Variants in MYO16 observed in about 807,000 individuals in gnomAD.
The protein encoded by MYO16 is myosin XVI.
A neutral mutation model predicts 205.3 loss-of-function variants in MYO16; 94 were observed. The observed-to-expected ratio is 0.46, with a 90% CI of 0.39 to 0.54. MYO16 has a LOEUF of 0.54. Ranked by LOEUF, MYO16 falls within the 20% of genes least tolerant of loss-of-function variation. The probability of loss-of-function intolerance (pLI) is 0.00; values close to 1 mark genes in which losing one functional copy is unlikely to be tolerated. For missense variants in MYO16, 2,315 were observed against 2,387.5 expected, an observed-to-expected ratio of 0.97 and a Z score of 0.63; for synonymous variants, 988 against 954.0, an observed-to-expected ratio of 1.04 and a Z score of -0.66.
chr13:108,665,952 C>T lies in MYO16; in HGVS notation c.95C>T (p.Ser32Phe). The T allele has an allele frequency of 6.2e-7, 1 of 1,614,120 alleles. No homozygotes were observed. Among genetic ancestry groups the T allele is most frequent in the Non-Finnish European group, 8.5e-7 (1 of 1,179,996 alleles). The change falls in exon 2 of 35, where the codon TCC (serine) becomes TTC (phenylalanine). Residue 32 changes from serine to phenylalanine, a missense_variant. By Grantham distance (155) the Ser-to-Phe change is radical. Transcript: ENST00000457511. Reference sequence around the variant, plus strand: ...GAAATCGACCAGTGCTTGCTAGAGTCCCTTCCCCTTGGCCAACGGCAGCGT... The same window carrying T: ...GAAATCGACCAGTGCTTGCTAGAGTTCCTTCCCCTTGGCCAACGGCAGCGT... ...EMEIDQCLLE[S>F]LPLGQRQRLV...
chr13:108,907,968 G>C (rs939130028), intron 15 of MYO16, among the ~76,000 whole-genome samples: 1 of 151,970 alleles, frequency 6.6e-6, no homozygotes, highest in African/African-American at 2.4e-5. Flanking sequence ...AATGTCTTTA[G>C]GTTTTTAAAA....
chr13:108,972,370 A>C lies in MYO16; in HGVS notation c.2369+7468A>C, dbSNP rs1162239884. On this transcript the variant is annotated intron_variant, in intron 20 of 34. Transcript: ENST00000457511. ...TATAGCCATATATATATATATATAT[A>C]TATATATATATATATATATATATAT... 5.8e-3 allele frequency among the ~76,000 whole-genome samples: 246 copies of C among 42,246 alleles called. 33 individuals are homozygous for C. Among genetic ancestry groups the C allele is most frequent in the Non-Finnish European group, 7.6e-3 (172 of 22,532 alleles). 27.7% of individuals were successfully genotyped at this position (42,246 alleles called of 152,430 possible). A position where few individuals can be genotyped will look rare whatever the true frequency, so the allele number is the denominator to read the frequency against.
intron 32 of MYO16, among the ~76,000 whole-genome samples, chr13:109,157,754 C>T (rs1370505469): frequency 1.3e-5 from 2 of 152,172 alleles, no homozygotes; most frequent in Admixed American, 6.5e-5. Context: ...AAGGCTTTAA[C>T]AAGTGAATAA....
chr13:108,812,713 G>A (rs1238012135), intron 7 of MYO16, among the ~76,000 whole-genome samples: 2 of 152,194 alleles, frequency 1.3e-5, no homozygotes, highest in African/African-American at 4.8e-5. Context: ...CCCCAGTGCA[G>A]CAAAATTAGG....
chr13:108,734,419 G>T (rs113746551), intron 4 of MYO16, among the ~76,000 whole-genome samples: 3 of 152,090 alleles, frequency 2.0e-5, no homozygotes, highest in South Asian at 2.1e-4. Context: ...CCCTTGGTTT[G>T]CTTATAGAAC....
intron 7 of MYO16, among the ~76,000 whole-genome samples, chr13:108,811,024 G>T (rs889071650): frequency 1.3e-5 from 2 of 152,116 alleles, no homozygotes; most frequent in African/African-American, 4.8e-5. Flanking sequence ...TTCGTGAGTT[G>T]TACGTGAAGT....
At chr13:108,700,023 G>T (rs143399256) in intron 2 of MYO16, among the ~76,000 whole-genome samples, 3,001 of 152,072 alleles carry the variant, frequency 0.02, 86 homozygotes, top group African/African-American at 0.069. Context: ...TTAATCAAAG[G>T]CTTCCAACAA....
rs542411424 is a variant in MYO16, at chr13:108,806,924, T to C, written c.867+120T>C. ...ATCATTATTGTAATTTGACTTTTAA[T>C]AGTGTCTTCTTACTGAACAAATATT... On this transcript the variant is annotated intron_variant, in intron 7 of 34. Coordinates refer to ENST00000457511, the MANE Select transcript of MYO16 (RefSeq NM_001198950.3). 76 of 730,140 alleles carry C rather than the reference T, an allele frequency of 1.0e-4. No individual in the cohort carries two copies. In the African/African-American group the frequency reaches 1.2e-3, roughly 11 times the overall value. The allele number at this position is 730,140 out of a possible 1,614,324, so 45.2% of individuals were successfully genotyped here. A position where few individuals can be genotyped will look rare whatever the true frequency, so the allele number is the denominator to read the frequency against.
At chr13:108,601,569 A>G (rs1361980262) in intron 1 of MYO16, among the ~76,000 whole-genome samples, 1 of 151,990 alleles carries the variant, frequency 6.6e-6, no homozygotes, top group African/African-American at 2.4e-5. Flanking sequence ...AAGTGTCAAG[A>G]TGATTCTAAA....
the MYO16 span, among the ~76,000 whole-genome samples, chr13:108,509,518 C>T: frequency 2.0e-5 from 3 of 152,280 alleles, no homozygotes; most frequent in Non-Finnish European, 2.9e-5. Context: ...ATTAATTCCA[C>T]TCTTTCCTCA....
chr13:109,118,791 A>G (rs1875845987), intron 28 of MYO16, among the ~76,000 whole-genome samples: 1 of 152,172 alleles, frequency 6.6e-6, no homozygotes, highest in Non-Finnish European at 1.5e-5. Flanking sequence ...GAGAAAAAAA[A>G]GACTATGAAT....
chr13:108,588,598 C>A, the MYO16 span, among the ~76,000 whole-genome samples: 6 of 152,146 alleles, frequency 3.9e-5, no homozygotes, highest in Admixed American at 2.6e-4. Flanking sequence ...ATTATACTTG[C>A]AAATATTTCC....
chr13:108,690,753 C>A (rs1439171184), intron 2 of MYO16, among the ~76,000 whole-genome samples: 2 of 152,006 alleles, frequency 1.3e-5, no homozygotes, highest in Non-Finnish European at 2.9e-5. Flanking sequence ...TGATAATAGA[C>A]AATGTTACTG....
chr13:108,623,887 G>A (rs1394521291), intron 1 of MYO16, among the ~76,000 whole-genome samples: 2 of 151,852 alleles, frequency 1.3e-5, no homozygotes, highest in Non-Finnish European at 2.9e-5. Flanking sequence ...TGGATTGACT[G>A]GTACATGAAA....
chr13:108,910,260 G>C, intron 16 of MYO16, 110 bp downstream of exon 16: 1 of 1,218,396 alleles, frequency 8.2e-7, no homozygotes, highest in Non-Finnish European at 1.2e-6. Context: ...GTGAGTAAAA[G>C]ATAACTGTTG....
At chr13:108,509,532 T>G in the MYO16 span, among the ~76,000 whole-genome samples, 1 of 152,224 alleles carries the variant, frequency 6.6e-6, no homozygotes, top group Non-Finnish European at 1.5e-5. Flanking sequence ...TTCCTCATAA[T>G]GTAGTAACCA....
intron 9 of MYO16, among the ~76,000 whole-genome samples, chr13:108,827,534 T>C (rs1876342359): frequency 6.6e-6 from 1 of 152,196 alleles, no homozygotes; most frequent in Non-Finnish European, 1.5e-5. Flanking sequence ...GTGTCTCCTA[T>C]CCAATCAGCA....
intron 2 of MYO16, among the ~76,000 whole-genome samples, chr13:108,710,823 C>T (rs1246127374): frequency 6.6e-6 from 1 of 152,170 alleles, no homozygotes; most frequent in Admixed American, 6.5e-5. Flanking sequence ...CTACTTCACA[C>T]TATCTTTGTA....
chr13:108,782,381 A>C (rs1886330048), intron 4 of MYO16, among the ~76,000 whole-genome samples: 1 of 152,242 alleles, frequency 6.6e-6, no homozygotes, highest in Non-Finnish European at 1.5e-5. Flanking sequence ...TATCTGGCAG[A>C]AGAAATGTCT....
Sources: allele counts gnomAD v4.1 joint callset (sites outside exome capture counted in the v4.1 genomes callset), GRCh38; gene constraint gnomAD v4.1.1; transcripts MANE v1.5; gene names NCBI Gene and HGNC (gene_info 2026-07-23, HGNC 2026-07-21).